Variants in ZNF536 observed in about 807,000 individuals in gnomAD.
The protein encoded by ZNF536 is zinc finger protein 536.
In ZNF536, 13 loss-of-function variants were observed where a neutral mutation model predicts 84.5. That is an observed-to-expected ratio of 0.15 (90% CI 0.10 to 0.24). ZNF536 has a LOEUF of 0.24. Among genes scored for constraint, ZNF536 ranks in the 10% least tolerant of loss-of-function variants. The pLI, the probability that ZNF536 is intolerant of heterozygous loss-of-function variation, is 1.00. For missense variants in ZNF536, 1,536 were observed against 1,747.5 expected (o/e 0.88, Z 2.16); for synonymous variants, 811 against 742.5 (o/e 1.09, Z -1.50).
intron 2 of ZNF536, among the ~76,000 whole-genome samples, chr19:30,474,711 G>C (rs549338918): frequency 5.9e-5 from 9 of 152,300 alleles, no homozygotes; most frequent in South Asian, 4.2e-4. Flanking sequence ...TACAGGAGCA[G>C]ATCATTTTTT....
At chr19:30,298,350 G>A (rs1334735302) in intron 2 of ZNF536, among the ~76,000 whole-genome samples, 1 of 152,184 alleles carries the variant, frequency 6.6e-6, no homozygotes, top group Non-Finnish European at 1.5e-5. Context: ...ATGTCCCCCT[G>A]TGGCTCACAC....
intron 2 of ZNF536, among the ~76,000 whole-genome samples, chr19:30,310,108 T>G (rs2046453878): frequency 6.6e-6 from 1 of 152,176 alleles, no homozygotes; most frequent in African/African-American, 2.4e-5. Context: ...GTATAACGTG[T>G]TTGCATGCAT....
At chr19:30,543,362 G>A (rs559293678) in intron 3 of ZNF536, among the ~76,000 whole-genome samples, 8 of 152,332 alleles carry the variant, frequency 5.3e-5, no homozygotes, top group Non-Finnish European at 1.2e-4. Flanking sequence ...CAGTAGATGG[G>A]ACTCATTTAT....
chr19:30,465,898 C>T (rs2053367429), intron 2 of ZNF536, among the ~76,000 whole-genome samples: 1 of 151,890 alleles, frequency 6.6e-6, no homozygotes, highest in South Asian at 2.1e-4. Context: ...CTACAGGCAC[C>T]CGCCACCACA....
intron 1 of ZNF536, among the ~76,000 whole-genome samples, chr19:30,637,893 T>C (rs2049130466): frequency 6.6e-6 from 1 of 151,962 alleles, no homozygotes; most frequent in African/African-American, 2.4e-5. Flanking sequence ...ATTTCGAGGG[T>C]TTTTTTGCAA....
chr19:30,402,979 C>T lies in ZNF536; in HGVS notation c.-3+30423C>T, dbSNP rs1054747833. On this transcript the variant is annotated intron_variant, in intron 1 of 4. Coordinates refer to ENST00000355537, the MANE Select transcript of ZNF536 (RefSeq NM_014717.3). The stretch of plus-strand genomic sequence containing the variant: ...GACATGACAGACTTCTCCCTGGAGT[C>T]AAGGAATAAATGTTTACATTTGGTG... Among the ~76,000 whole-genome samples, 4 of 151,762 alleles carry T rather than the reference C, an allele frequency of 2.6e-5. No individual in the cohort carries two copies. The East Asian group carries it at 5.8e-4, about 22-fold the overall frequency.
chr19:30,600,494 C>T (rs908893081), intron 1 of ZNF536, among the ~76,000 whole-genome samples: 6 of 152,174 alleles, frequency 3.9e-5, no homozygotes, highest in Non-Finnish European at 8.8e-5. Flanking sequence ...ACAGGCTGAC[C>T]GTTTCATGAA....
chr19:30,545,970 G>A (rs767843648), intron 3 of ZNF536, among the ~76,000 whole-genome samples: 4 of 152,156 alleles, frequency 2.6e-5, no homozygotes, highest in Non-Finnish European at 2.9e-5. Flanking sequence ...GGCTTTCATC[G>A]CCTGGCCCTC....
chr19:30,367,266 G>T (rs1175180704), intron 3 of ZNF536, among the ~76,000 whole-genome samples: 3 of 152,176 alleles, frequency 2.0e-5, no homozygotes, highest in Non-Finnish European at 4.4e-5. Flanking sequence ...CCGTGGTGAG[G>T]CCACCGCTGA....
At chr19:30,431,948 T>C (rs1326394364) in intron 1 of ZNF536, among the ~76,000 whole-genome samples, 1 of 151,910 alleles carries the variant, frequency 6.6e-6, no homozygotes, top group Admixed American at 6.6e-5. Flanking sequence ...GGTATCTTTT[T>C]CAGTTTTGCA....
intron 1 of ZNF536, among the ~76,000 whole-genome samples, chr19:30,639,219 T>A (rs931260023): frequency 6.6e-6 from 1 of 152,228 alleles, no homozygotes; most frequent in Non-Finnish European, 1.5e-5. Context: ...CAAATAGGAA[T>A]GTAATGTGAA....
At chr19:30,711,614 T>C (rs1346043760) in exon 2 of ZNF536, 1 of 152,192 alleles carries the variant, frequency 6.6e-6, no homozygotes, top group East Asian at 1.9e-4. Flanking sequence ...CTGCAGAGGA[T>C]TGAGATCTTA....
intron 3 of ZNF536, among the ~76,000 whole-genome samples, chr19:30,542,334 G>GTAAAAAAAAATTAA (rs1555793717): frequency 1.2e-4 from 18 of 152,146 alleles, no homozygotes; most frequent in Non-Finnish European, 2.4e-4. Context: ...AATAGGTACC[G>GTAAAAAAAAATTAA]TGAACTAATT....
intron 1 of ZNF536, among the ~76,000 whole-genome samples, chr19:30,592,313 C>T (rs1340878031): frequency 6.6e-6 from 1 of 152,166 alleles, no homozygotes; most frequent in Non-Finnish European, 1.5e-5. Flanking sequence ...GGGTACCCAA[C>T]ACCCCAGGAA....
chr19:30,384,098 C>CTTTCTT (rs1445807219), intron 1 of ZNF536, among the ~76,000 whole-genome samples: 3 of 86,528 alleles, frequency 3.5e-5, no homozygotes, highest in Non-Finnish European at 6.9e-5. Flanking sequence ...CCACCTCTTT[C>CTTTCTT]TCTTTCTTTC....
At chr19:30,330,585 T>C (rs911634864) in intron 2 of ZNF536, among the ~76,000 whole-genome samples, 8 of 152,014 alleles carry the variant, frequency 5.3e-5, no homozygotes, top group Admixed American at 4.6e-4. Context: ...TTCTAGGAGG[T>C]AAAGTAGTCT....
chr19:30,303,436 C>A (rs919739267), intron 2 of ZNF536, among the ~76,000 whole-genome samples: 8 of 151,980 alleles, frequency 5.3e-5, no homozygotes, highest in African/African-American at 1.7e-4. Flanking sequence ...TTCCTAGCTT[C>A]TCTGGAGAGC....
chr19:30,341,153 T>C (rs1435024869), intron 2 of ZNF536, among the ~76,000 whole-genome samples: 1 of 152,238 alleles, frequency 6.6e-6, no homozygotes, highest in African/African-American at 2.4e-5. Context: ...TAACATCGCT[T>C]AAGACCATTC....
chr19:30,335,025 C>T (rs1046915897), intron 2 of ZNF536, among the ~76,000 whole-genome samples: 9 of 152,156 alleles, frequency 5.9e-5, no homozygotes, highest in Non-Finnish European at 1.2e-4. Context: ...TAACAAGACA[C>T]GGACTGTCAG....
Sources: allele counts gnomAD v4.1 joint callset (sites outside exome capture counted in the v4.1 genomes callset), GRCh38; gene constraint gnomAD v4.1.1; transcripts MANE v1.5; gene names NCBI Gene and HGNC (gene_info 2026-07-23, HGNC 2026-07-21).